The following SH3PXD2A variants were observed in gnomAD, a reference collection of about 807,000 sequenced individuals.
SH3PXD2A encodes the protein SH3 and PX domain-containing protein 2A.
In SH3PXD2A, 32 loss-of-function variants were observed where a neutral mutation model predicts 115.2. The ratio of observed to expected loss-of-function variants is 0.28; its 90% CI spans 0.21 to 0.37. SH3PXD2A has a LOEUF of 0.37. Ranked by LOEUF, SH3PXD2A falls within the 10% of genes least tolerant of loss-of-function variation. The pLI is 1.00. For synonymous variants in SH3PXD2A, 610 were observed against 629.1 expected (o/e 0.97, Z 0.45); for missense variants, 1,328 against 1,498.7 (o/e 0.89, Z 1.88).
At chr10:103,668,759 G>T in intron 6 of SH3PXD2A, 107 bp from the exon 7 acceptor site, 1 of 1,009,998 alleles carries the variant, frequency 9.9e-7, no homozygotes, top group Non-Finnish European at 1.5e-6. Context: ...GCCGCGCTCG[G>T]CCAGCCGCGG....
At chr10:103,786,668 TA>T (rs1223432440) in intron 2 of SH3PXD2A, among the ~76,000 whole-genome samples, 10 of 151,990 alleles carry the variant, frequency 6.6e-5, no homozygotes, top group African/African-American at 2.4e-4. Flanking sequence ...CTTAAAAAAA[TA>T]AATATAAAAT....
At chr10:103,704,144 G>C (rs963755472) in intron 5 of SH3PXD2A, among the ~76,000 whole-genome samples, 7 of 152,194 alleles carry the variant, frequency 4.6e-5, no homozygotes, top group Non-Finnish European at 1.0e-4. Flanking sequence ...CCCTCGAGAG[G>C]GGAGAGGGAG....
chr10:103,810,950 G>GCACACACA (rs1286107994), intron 1 of SH3PXD2A, among the ~76,000 whole-genome samples: 112 of 4,818 alleles, frequency 0.023, no homozygotes, highest in African/African-American at 0.049. Flanking sequence ...AGGCGCGCGC[G>GCACACACA]CGCACACACA....
intron 3 of SH3PXD2A, among the ~76,000 whole-genome samples, chr10:103,737,173 C>T: frequency 6.6e-6 from 1 of 152,226 alleles, no homozygotes; most frequent in Admixed American, 6.5e-5. Context: ...CCTTTGACAT[C>T]ATTTCAGCAG....
chr10:103,684,433 A>T (rs1052934275), intron 6 of SH3PXD2A, among the ~76,000 whole-genome samples: 16 of 151,438 alleles, frequency 1.1e-4, no homozygotes, highest in African/African-American at 2.9e-4. Context: ...ATCTTGGCTC[A>T]CTGCAAACTC....
At chr10:103,801,249 C>T (rs1367410612) in intron 2 of SH3PXD2A, 33 bp downstream of exon 2, 1 of 1,360,576 alleles carries the variant, frequency 7.3e-7, no homozygotes, top group East Asian at 2.3e-5. Context: ...ACCAGAGAGA[C>T]TTGGGCCACT....
Position 103,599,520 on chromosome 10 carries a change from C to T in SH3PXD2A, c.*2296G>A, listed in dbSNP as rs138709072. ...GAAGGTTCTTTACCTGACAGTCACT[C>T]TACTTTTAAATTTTATTTTAAATAG... On this transcript the variant is annotated 3_prime_UTR_variant, in exon 15 of 15. Coordinates refer to ENST00000369774, the MANE Select transcript of SH3PXD2A (RefSeq NM_001394015.1). 6.5e-6 allele frequency: 1 copy of T among 152,720 alleles called. No homozygotes were observed. Among genetic ancestry groups the T allele is most frequent in the African/African-American group, 2.4e-5 (1 of 41,562 alleles). The allele number at this position is 152,720 out of a possible 1,614,324, so 9.5% of individuals were successfully genotyped here. A position where few individuals can be genotyped will look rare whatever the true frequency, so the allele number is the denominator to read the frequency against.
At chr10:103,753,263 T>C (rs2038599657) in intron 3 of SH3PXD2A, among the ~76,000 whole-genome samples, 1 of 140,508 alleles carries the variant, frequency 7.1e-6, no homozygotes, top group Non-Finnish European at 1.5e-5. Context: ...GCAGATCACT[T>C]GAGGTCAAGA....
intron 2 of SH3PXD2A, among the ~76,000 whole-genome samples, chr10:103,781,616 C>T (rs937402703): frequency 1.3e-5 from 2 of 152,230 alleles, no homozygotes; most frequent in Admixed American, 6.5e-5. Flanking sequence ...ATGTAGATTC[C>T]TCCTGCGGTT....
chr10:103,703,014 T>G (rs879443507), intron 5 of SH3PXD2A, among the ~76,000 whole-genome samples: 1 of 152,186 alleles, frequency 6.6e-6, no homozygotes, highest in Admixed American at 6.5e-5. Context: ...GGTCGATCCT[T>G]GGCTGATGGC....
intron 2 of SH3PXD2A, among the ~76,000 whole-genome samples, chr10:103,774,960 G>T (rs907487442): frequency 1.3e-5 from 2 of 152,180 alleles, no homozygotes; most frequent in African/African-American, 4.8e-5. Context: ...ATGCAGATTT[G>T]ATCATTTCTA....
intron 1 of SH3PXD2A, among the ~76,000 whole-genome samples, chr10:103,825,762 A>ATT (rs370142036): frequency 0.5 from 66,577 of 132,264 alleles, 18,173 homozygotes; most frequent in Non-Finnish European, 0.6. Flanking sequence ...TCCGTAACAA[A>ATT]TTTTTTTTTT....
chr10:103,832,436 A>C (rs1303624332), intron 1 of SH3PXD2A, among the ~76,000 whole-genome samples: 1 of 152,130 alleles, frequency 6.6e-6, no homozygotes, highest in Non-Finnish European at 1.5e-5. Flanking sequence ...ATAAATTTCT[A>C]TCTACTCTCT....
At chr10:103,605,185 C>T (rs868334365) in intron 14 of SH3PXD2A, among the ~76,000 whole-genome samples, 3 of 152,072 alleles carry the variant, frequency 2.0e-5, no homozygotes, top group South Asian at 4.1e-4. Flanking sequence ...TTGGGGGTGG[C>T]GGGTGAGAGA....
intron 5 of SH3PXD2A, among the ~76,000 whole-genome samples, chr10:103,718,634 C>T (rs189944983): frequency 1.1e-4 from 16 of 152,286 alleles, no homozygotes; most frequent in African/African-American, 1.7e-4. Flanking sequence ...ACATCACCTT[C>T]GTGGGTGGCC....
At chr10:103,667,546 T>C (rs910240765) in intron 7 of SH3PXD2A, among the ~76,000 whole-genome samples, 1 of 152,104 alleles carries the variant, frequency 6.6e-6, no homozygotes, top group Non-Finnish European at 1.5e-5. Context: ...CAGAAGGAGA[T>C]TGCAACGCCC....
rs897254051 is a variant in SH3PXD2A, at chr10:103,772,611, G to C, written c.154-5442C>G. ...AGGCTGTTTATCTAAAGGGTGGATCGTGTGAGAGATAGGGGACAGCTGGGC... is the reference window on the plus strand; with the variant it reads ...AGGCTGTTTATCTAAAGGGTGGATCCTGTGAGAGATAGGGGACAGCTGGGC... On this transcript the variant is annotated intron_variant, in intron 2 of 14. Transcript: ENST00000369774. Among the ~76,000 whole-genome samples, 6 of 152,344 alleles carry C rather than the reference G, an allele frequency of 3.9e-5. No individual in the cohort carries two copies. The East Asian group carries it at 9.7e-4, about 25-fold the overall frequency.
chr10:103,826,004 C>T (rs551385547), intron 1 of SH3PXD2A, among the ~76,000 whole-genome samples: 1 of 152,204 alleles, frequency 6.6e-6, no homozygotes, highest in Non-Finnish European at 1.5e-5. Flanking sequence ...ACCTCGTGAT[C>T]GGCCCACCTC....
chr10:103,722,898 C>T (rs1434761071), intron 5 of SH3PXD2A, among the ~76,000 whole-genome samples: 1 of 152,210 alleles, frequency 6.6e-6, no homozygotes, highest in African/African-American at 2.4e-5. Context: ...TGAAGATGGT[C>T]TTTGCTAGGC....
Sources: allele counts gnomAD v4.1 joint callset (sites outside exome capture counted in the v4.1 genomes callset), GRCh38; gene constraint gnomAD v4.1.1; transcripts MANE v1.5; gene names NCBI Gene and HGNC (gene_info 2026-07-23, HGNC 2026-07-21).